Variants in HNF4A observed in about 807,000 individuals in gnomAD.
HNF4A encodes the protein hepatocyte nuclear factor 4-alpha.
A neutral mutation model predicts 52.4 loss-of-function variants in HNF4A; 15 were observed. The ratio of observed to expected loss-of-function variants is 0.29; its 90% CI spans 0.19 to 0.44. The LOEUF is 0.44. HNF4A is among the 20% of genes least tolerant of loss of function. The pLI, the probability that HNF4A is intolerant of heterozygous loss-of-function variation, is 1.00. For synonymous variants in HNF4A, 280 were observed against 264.4 expected, an observed-to-expected ratio of 1.06 and a Z score of -0.57; for missense variants, 479 against 647.2, an observed-to-expected ratio of 0.74 and a Z score of 2.82.
chr20:44,379,814 A>G (rs1417706476), intron 1 of HNF4A, among the ~76,000 whole-genome samples: 3 of 147,452 alleles, frequency 2.0e-5, no homozygotes. Flanking sequence ...GCTCACTGCA[A>G]CCTCTGCCTC....
At chr20:44,423,120 G>A (rs912730343) in intron 7 of HNF4A, among the ~76,000 whole-genome samples, 4 of 152,024 alleles carry the variant, frequency 2.6e-5, no homozygotes, top group Admixed American at 1.3e-4. Flanking sequence ...AGTTTGAGAT[G>A]AGCCTGACCA....
In HNF4A at chr20:44,427,918, T is replaced by G. The variant is rs2063831173; in HGVS notation, c.1130-417T>G. 2.0e-5 allele frequency among the ~76,000 whole-genome samples: 3 copies of G among 152,026 alleles called. No individual in the cohort carries two copies. In the South Asian group the frequency reaches 6.2e-4, roughly 32 times the overall value. On this transcript the variant is annotated intron_variant, in intron 8 of 9. Transcript: ENST00000316099. ...GGGACACATAGATGCTATAAGTAGGTCAGTTGGCTGCAGCAGAGATGTGGG... is the reference window on the plus strand; with the variant it reads ...GGGACACATAGATGCTATAAGTAGGGCAGTTGGCTGCAGCAGAGATGTGGG...
chr20:44,401,885 C>T (rs977889032), intron 1 of HNF4A, among the ~76,000 whole-genome samples: 9 of 151,934 alleles, frequency 5.9e-5, no homozygotes, highest in Admixed American at 2.0e-4. Context: ...TTCAGAGAGA[C>T]GGCAAGGGAT....
At position 44,429,740 on chromosome 20, in the gene HNF4A, C is replaced by G. The variant is rs921093406; in HGVS notation, c.*75C>G. ...AGAGCACCTGGTGATCACGTGGTCA[C>G]GGCAAAGGAAGACGTGATGCCAGGA... On this transcript the variant is annotated 3_prime_UTR_variant, in exon 10 of 10. Coordinates refer to ENST00000316099, the MANE Select transcript of HNF4A (RefSeq NM_000457.6). 4.1e-6 allele frequency: 6 copies of G among 1,470,280 alleles called. No homozygotes were observed. In the African/African-American group the frequency reaches 8.4e-5, roughly 20 times the overall value. 91.1% of individuals were successfully genotyped at this position (1,470,280 alleles called of 1,614,324 possible).
At chr20:44,387,227 G>T (rs907470942) in intron 1 of HNF4A, among the ~76,000 whole-genome samples, 6 of 149,004 alleles carry the variant, frequency 4.0e-5, no homozygotes, top group African/African-American at 1.5e-4. Context: ...GGCGGAGGTT[G>T]CAGCAAGCCG....
chr20:44,394,596 C>G (rs557599161), intron 1 of HNF4A, among the ~76,000 whole-genome samples: 1 of 152,296 alleles, frequency 6.6e-6, no homozygotes, highest in South Asian at 2.1e-4. Context: ...GTTTGGAAAG[C>G]TCTCCCCCAG....
chr20:44,407,029 C>T (rs1568723624), intron 2 of HNF4A, among the ~76,000 whole-genome samples: 1 of 152,134 alleles, frequency 6.6e-6, no homozygotes, highest in South Asian at 2.1e-4. Flanking sequence ...TGAGCCATAA[C>T]CAGGAGCCTG....
At chr20:44,369,820 G>A (rs745310371) in intron 1 of HNF4A, among the ~76,000 whole-genome samples, 6 of 151,824 alleles carry the variant, frequency 4.0e-5, no homozygotes, top group Non-Finnish European at 7.4e-5. Context: ...TTTTAATAGA[G>A]TCAGGGTTTT....
rs548357338 is a variant in HNF4A, at chr20:44,380,361, C to T, written c.49+24508C>T. On this transcript the variant is annotated intron_variant, in intron 1 of 9. Coordinates refer to the HNF4A transcript ENST00000316673. ...CCAGGCTAGAGTGCAGCAGCAGGATCGTGGCTCACCACAGCCTCAAACTCC... is the reference window on the plus strand; with the variant it reads ...CCAGGCTAGAGTGCAGCAGCAGGATTGTGGCTCACCACAGCCTCAAACTCC... Among the ~76,000 whole-genome samples the T allele has an allele frequency of 3.3e-5, 5 of 152,328 alleles. No homozygotes were observed. In the East Asian group the frequency reaches 9.7e-4, roughly 29 times the overall value.
chr20:44,370,714 C>A (rs543126366), intron 1 of HNF4A, among the ~76,000 whole-genome samples: 1 of 152,116 alleles, frequency 6.6e-6, no homozygotes, highest in African/African-American at 2.4e-5. Flanking sequence ...TAAGTATTTG[C>A]GGAATGAGCA....
At chr20:44,369,249 C>CAAAAAAAAAAA (rs751374772) in intron 1 of HNF4A, among the ~76,000 whole-genome samples, 3 of 24,824 alleles carry the variant, frequency 1.2e-4, no homozygotes, top group African/African-American at 5.5e-4. Context: ...AACTCCATCT[C>CAAAAAAAAAAA]AAAAAAAAAA....
intron 1 of HNF4A, among the ~76,000 whole-genome samples, chr20:44,386,159 ATT>A (rs35559000): frequency 0.21 from 15,531 of 72,500 alleles, 996 homozygotes; most frequent in Non-Finnish European, 0.27. Context: ...CCACCATCTG[ATT>A]TTTTTTTTTT....
intron 1 of HNF4A, among the ~76,000 whole-genome samples, chr20:44,366,418 C>T (rs558396214): frequency 3.9e-5 from 6 of 152,236 alleles, no homozygotes; most frequent in African/African-American, 1.4e-4. Flanking sequence ...GTCAGGAGTT[C>T]AAGACCAGCC....
intron 1 of HNF4A, among the ~76,000 whole-genome samples, chr20:44,368,273 TC>T (rs1697858256): frequency 6.8e-6 from 1 of 147,288 alleles, no homozygotes; most frequent in Non-Finnish European, 1.5e-5. Context: ...TTCAAACAAT[TC>T]TCGTGCCTCA....
intron 1 of HNF4A, among the ~76,000 whole-genome samples, chr20:44,367,098 G>A (rs1183807104): frequency 6.6e-6 from 1 of 152,198 alleles, no homozygotes; most frequent in Non-Finnish European, 1.5e-5. Flanking sequence ...CACTTTTGGA[G>A]GCCAAGGTGA....
chr20:44,421,785 A>T (rs3212205), intron 7 of HNF4A, among the ~76,000 whole-genome samples: 1,481 of 146,600 alleles, frequency 0.01, 38 homozygotes, highest in African/African-American at 0.034. Context: ...ATATATATAT[A>T]ATATATATTA....
At chr20:44,410,933 A>G (rs1427963428) in intron 3 of HNF4A, among the ~76,000 whole-genome samples, 1 of 152,008 alleles carries the variant, frequency 6.6e-6, no homozygotes, top group African/African-American at 2.4e-5. Context: ...ATGGGCCTAT[A>G]AGTCTCTGCC....
chr20:44,366,849 A>G (rs1267854675), intron 1 of HNF4A, among the ~76,000 whole-genome samples: 1 of 152,226 alleles, frequency 6.6e-6, no homozygotes, highest in Non-Finnish European at 1.5e-5. Flanking sequence ...AGATAAATAA[A>G]GTACAGGTAA....
intron 3 of HNF4A, among the ~76,000 whole-genome samples, chr20:44,408,926 C>T (rs2063542228): frequency 1.3e-5 from 2 of 151,988 alleles, no homozygotes; most frequent in South Asian, 4.2e-4. Flanking sequence ...ACCCCAGAAG[C>T]AGGAACGTAG....
Sources: allele counts gnomAD v4.1 joint callset (sites outside exome capture counted in the v4.1 genomes callset), GRCh38; gene constraint gnomAD v4.1.1; transcripts MANE v1.5; gene names NCBI Gene and HGNC (gene_info 2026-07-23, HGNC 2026-07-21).